The following IHO1 variants were observed in gnomAD, a reference collection of about 807,000 sequenced individuals.
The protein encoded by IHO1 is interactor of HORMAD1 protein 1.
A neutral mutation model predicts 31.0 loss-of-function variants in IHO1; 13 were observed. That is an observed-to-expected ratio of 0.42 (90% CI 0.27 to 0.67). The LOEUF is 0.67. IHO1 is among the 30% of genes least tolerant of loss of function. The probability of loss-of-function intolerance (pLI) is 0.24; values close to 1 mark genes in which losing one functional copy is unlikely to be tolerated. For missense variants in IHO1, 599 were observed against 687.5 expected, an observed-to-expected ratio of 0.87 and a Z score of 1.44; for synonymous variants, 221 against 248.4, an observed-to-expected ratio of 0.89 and a Z score of 1.04.
At chr3:49,225,692 A>G (rs943269204) in intron 2 of IHO1, among the ~76,000 whole-genome samples, 1 of 152,226 alleles carries the variant, frequency 6.6e-6, no homozygotes, top group Non-Finnish European at 1.5e-5. Context: ...ACATGTGAAA[A>G]GAGCAAAGTC....
chr3:49,229,624 A>G (rs889521531), intron 2 of IHO1, among the ~76,000 whole-genome samples: 2 of 152,206 alleles, frequency 1.3e-5, no homozygotes, highest in African/African-American at 4.8e-5. Context: ...TACCTGTGAA[A>G]TAACTATTCA....
At chr3:49,240,541 T>A (rs1357419715) in intron 3 of IHO1, among the ~76,000 whole-genome samples, 1 of 152,072 alleles carries the variant, frequency 6.6e-6, no homozygotes, top group Non-Finnish European at 1.5e-5. Context: ...GTATTTCTAG[T>A]AGTGACGGGG....
At chr3:49,235,188 T>C (rs762356575) in intron 2 of IHO1, among the ~76,000 whole-genome samples, 3 of 151,666 alleles carry the variant, frequency 2.0e-5, no homozygotes, top group Non-Finnish European at 2.9e-5. Context: ...CTCAAAACTA[T>C]GTTTTTGAGA....
intron 2 of IHO1, among the ~76,000 whole-genome samples, chr3:49,219,332 C>A (rs1352685746): frequency 1.3e-5 from 2 of 152,240 alleles, no homozygotes; most frequent in African/African-American, 4.8e-5. Flanking sequence ...TCCTAAACCA[C>A]AACCAATAGC....
chr3:49,238,838 G>A (rs2046590893), intron 3 of IHO1, among the ~76,000 whole-genome samples: 1 of 152,140 alleles, frequency 6.6e-6, no homozygotes, highest in Admixed American at 6.6e-5. Context: ...GTTGGGAAAA[G>A]AGAAAAACCT....
At position 49,257,364 on chromosome 3, in the gene IHO1, G is replaced by A; in HGVS notation, c.*82G>A. Reference sequence around the variant, plus strand: ...GGCTGGCCAACAGCAGAAAGTCCCTGAAGCCTGCCAAGTACCCAGGGTCAG... The same window carrying A: ...GGCTGGCCAACAGCAGAAAGTCCCTAAAGCCTGCCAAGTACCCAGGGTCAG... On this transcript the variant is annotated 3_prime_UTR_variant, in exon 8 of 8. Coordinates refer to ENST00000452691, the MANE Select transcript of IHO1 (RefSeq NM_001135197.2). The A allele has an allele frequency of 7.2e-7, 1 of 1,397,356 alleles. No individual in the cohort carries two copies. Among genetic ancestry groups the A allele is most frequent in the Non-Finnish European group, 9.9e-7 (1 of 1,013,022 alleles). The allele number at this position is 1,397,356 out of a possible 1,614,324, so 86.6% of individuals were successfully genotyped here.
At chr3:49,213,056 C>T (rs1419879997) in intron 2 of IHO1, among the ~76,000 whole-genome samples, 12 of 152,180 alleles carry the variant, frequency 7.9e-5, no homozygotes, top group Admixed American at 3.9e-4. Flanking sequence ...CACAAAAGTT[C>T]TCCAAGTCCC....
At chr3:49,253,253 C>T (rs181599440) in intron 6 of IHO1, among the ~76,000 whole-genome samples, 1 of 151,664 alleles carries the variant, frequency 6.6e-6, no homozygotes, top group Non-Finnish European at 1.5e-5. Context: ...TGGCAAAACC[C>T]CATCTCTATT....
upstream of IHO1, among the ~76,000 whole-genome samples, chr3:49,195,280 G>A (rs2045990105): frequency 6.6e-6 from 1 of 151,720 alleles, no homozygotes; most frequent in Non-Finnish European, 1.5e-5. Flanking sequence ...AAATTAGCTG[G>A]GCGTGGTGAC....
At chr3:49,214,927 A>C (rs1439208419) in intron 2 of IHO1, among the ~76,000 whole-genome samples, 2 of 150,140 alleles carry the variant, frequency 1.3e-5, no homozygotes, top group Non-Finnish European at 3.0e-5. Context: ...GGCATGAGAC[A>C]CCACGCCCAG....
In IHO1 at chr3:49,202,495, TTGTGTGTGTGTGTGTG is replaced by T. The variant is rs113425200; in HGVS notation, c.-16+2958_-16+2973del. Among the ~76,000 whole-genome samples the T allele has an allele frequency of 2.2e-3, 283 of 130,002 alleles. 5 individuals carry two copies. Among genetic ancestry groups the T allele is most frequent in the East Asian group, 8.8e-3 (40 of 4,552 alleles). The allele number at this position is 130,002 out of a possible 152,430, so 85.3% of individuals were successfully genotyped here. Reference sequence around the variant, plus strand: ...TGCCTGACACCATGCCCGGCTAATTTTGTGTGTGTGTGTGTGTGTGTGTGTGTGTGTGTGTGTGTGT... The same window carrying T: ...TGCCTGACACCATGCCCGGCTAATTTTGTGTGTGTGTGTGTGTGTGTGTGT... On this transcript the variant is annotated intron_variant, in intron 1 of 7. Coordinates refer to ENST00000452691, the MANE Select transcript of IHO1 (RefSeq NM_001135197.2).
At chr3:49,224,520 T>C (rs2046394841) in intron 2 of IHO1, among the ~76,000 whole-genome samples, 1 of 152,264 alleles carries the variant, frequency 6.6e-6, no homozygotes, top group Non-Finnish European at 1.5e-5. Context: ...TAGATAACCA[T>C]ACTTGCTATC....
intron 3 of IHO1, among the ~76,000 whole-genome samples, chr3:49,238,525 C>T (rs973771527): frequency 2.5e-4 from 38 of 152,158 alleles, no homozygotes; most frequent in African/African-American, 8.9e-4. Flanking sequence ...GTTTGAATGG[C>T]GTGGAGGGAA....
At chr3:49,238,038 G>A (rs571142968) in intron 3 of IHO1, among the ~76,000 whole-genome samples, 27 of 151,634 alleles carry the variant, frequency 1.8e-4, no homozygotes, top group Middle Eastern at 3.4e-3. Flanking sequence ...CCTAGTAGCT[G>A]GGATTATAGG....
chr3:49,257,132 G>T lies in IHO1; in HGVS notation c.1635G>T (p.Trp545Cys). The T allele has an allele frequency of 6.2e-7, 1 of 1,614,150 alleles. No homozygotes were observed. The highest frequency in any genetic ancestry group is 8.5e-7 in the Non-Finnish European group (1 of 1,180,028). ...GCAGGTGCTCTTCCCAAGACAACTG[G>T]CTACTTTCCAGCAGTTCCCAGGGGG... The part of the protein sequence containing the change: ...QLSRCSSQDN[W>C]LLSSSSQGDH... The change falls in exon 8 of 8, where the codon TGG (tryptophan) becomes TGT (cysteine). Residue 545 changes from tryptophan to cysteine, a missense_variant. Transcript: ENST00000452691.
intron 2 of IHO1, among the ~76,000 whole-genome samples, chr3:49,216,835 A>G (rs1490237589): frequency 1.3e-5 from 2 of 152,248 alleles, no homozygotes; most frequent in Admixed American, 6.5e-5. Flanking sequence ...AAGAATATGA[A>G]CAGACACTTC....
chr3:49,251,019 A>G (rs1449004319), intron 6 of IHO1, among the ~76,000 whole-genome samples: 2 of 151,794 alleles, frequency 1.3e-5, no homozygotes, highest in African/African-American at 4.8e-5. Context: ...GTAAGACTCC[A>G]TCTCAAAAAA....
chr3:49,194,590 C>G (rs2045987341), upstream of IHO1, among the ~76,000 whole-genome samples: 1 of 148,208 alleles, frequency 6.7e-6, no homozygotes. Context: ...CGTGCCCAGC[C>G]CAAAGTATAC....
intron 2 of IHO1, among the ~76,000 whole-genome samples, chr3:49,224,086 G>A (rs2046388324): frequency 6.6e-6 from 1 of 152,184 alleles, no homozygotes; most frequent in Admixed American, 6.5e-5. Context: ...GAAAAGTTTG[G>A]TGGAGCGTTT....
Sources: allele counts gnomAD v4.1 joint callset (sites outside exome capture counted in the v4.1 genomes callset), GRCh38; gene constraint gnomAD v4.1.1; transcripts MANE v1.5; gene names NCBI Gene and HGNC (gene_info 2026-07-23, HGNC 2026-07-21).